The following CEP57L1 variants were observed in gnomAD, a reference collection of about 807,000 sequenced individuals.
The protein encoded by CEP57L1 is centrosomal protein CEP57L1.
CEP57L1 carries 37 observed loss-of-function variants against 61.0 expected under a neutral mutation model. The observed-to-expected ratio is 0.61, with a 90% CI of 0.47 to 0.80. CEP57L1 has a LOEUF of 0.80. Among genes scored for constraint, CEP57L1 ranks in the 30% least tolerant of loss-of-function variants. The pLI, the probability that CEP57L1 is intolerant of heterozygous loss-of-function variation, is 0.00. For synonymous variants in CEP57L1, 137 were observed against 162.3 expected, an observed-to-expected ratio of 0.84 and a Z score of 1.19; for missense variants, 422 against 524.7, an observed-to-expected ratio of 0.80 and a Z score of 1.91.
At chr6:109,110,684 T>C (rs1771500096) in intron 1 of CEP57L1, among the ~76,000 whole-genome samples, 1 of 152,212 alleles carries the variant, frequency 6.6e-6, no homozygotes, top group South Asian at 2.1e-4. Context: ...CTTTAATCCA[T>C]CTTAAGTTAA....
intron 1 of CEP57L1, among the ~76,000 whole-genome samples, chr6:109,110,298 T>C (rs1475425564): frequency 1.3e-5 from 2 of 152,254 alleles, no homozygotes; most frequent in Admixed American, 6.5e-5. Context: ...CCAGTGATGA[T>C]GAGCTTTTTT....
intron 1 of CEP57L1, among the ~76,000 whole-genome samples, chr6:109,136,700 T>TTTTTA (rs557844549): frequency 0.098 from 11,327 of 115,318 alleles, 703 homozygotes; most frequent in Middle Eastern, 0.16. Flanking sequence ...GAAACTTGTA[T>TTTTTA]TTTTATTTTA....
intron 1 of CEP57L1, among the ~76,000 whole-genome samples, chr6:109,123,475 G>A (rs1773212226): frequency 6.6e-6 from 1 of 152,074 alleles, no homozygotes; most frequent in South Asian, 2.1e-4. Context: ...TGATTCAGTG[G>A]CTCAATCAAT....
chr6:109,142,003 G>A (rs1242071897), intron 1 of CEP57L1, among the ~76,000 whole-genome samples: 3 of 152,162 alleles, frequency 2.0e-5, no homozygotes, highest in Non-Finnish European at 4.4e-5. Context: ...CAGTCCTATG[G>A]AATAAGTGTT....
At chr6:109,129,418 C>A in intron 1 of CEP57L1, 2 of 736,692 alleles carry the variant, frequency 2.7e-6, no homozygotes, top group Non-Finnish European at 4.1e-6. Flanking sequence ...TGCTGAGTGT[C>A]CCCCAATCCA....
intron 1 of CEP57L1, among the ~76,000 whole-genome samples, chr6:109,109,145 C>A (rs1771277580): frequency 6.6e-6 from 1 of 152,096 alleles, no homozygotes; most frequent in African/African-American, 2.4e-5. Flanking sequence ...ATAGTAGTCT[C>A]CTGTGTAGAG....
At chr6:109,116,120 A>ATGTGT (rs1372221206) in intron 1 of CEP57L1, among the ~76,000 whole-genome samples, 17 of 136,314 alleles carry the variant, frequency 1.2e-4, no homozygotes, top group Admixed American at 5.1e-4. Context: ...ATTTTATGTT[A>ATGTGT]TGTGTTGTGT....
chr6:109,128,754 A>G (rs769859547), intron 1 of CEP57L1, among the ~76,000 whole-genome samples: 4 of 152,284 alleles, frequency 2.6e-5, no homozygotes, highest in Admixed American at 2.0e-4. Flanking sequence ...CATCGTTCTC[A>G]ATGATTATAC....
At chr6:109,125,525 T>TATACACATATATATATATATA (rs11454984) in intron 1 of CEP57L1, among the ~76,000 whole-genome samples, 32 of 107,528 alleles carry the variant, frequency 3.0e-4, no homozygotes, top group African/African-American at 1.2e-3. Context: ...TATATATATA[T>TATACACATATATATATATATA]TTTTTTTTTA....
In CEP57L1 at chr6:109,145,296, C is replaced by T; in HGVS notation, c.75C>T (p.Phe25=). The part of the protein sequence containing the change: ...KPPERVFVPS[F]TQNEPSQNCH... ...CAGAAAGAGTATTTGTTCCCTCATT[C>T]ACCCAGAATGAACCATCTCAGAATT... The change falls in exon 2 of 11, where the codon TTC becomes TTT. Residue 25 remains phenylalanine, a synonymous_variant. Transcript: ENST00000517392. The T allele has an allele frequency of 1.2e-6, 2 of 1,609,498 alleles. No homozygotes were observed. The highest frequency in any genetic ancestry group is 1.1e-5 in the South Asian group (1 of 90,738).
intron 1 of CEP57L1, among the ~76,000 whole-genome samples, chr6:109,134,831 A>G (rs1176881231): frequency 6.6e-6 from 1 of 152,150 alleles, no homozygotes; most frequent in Non-Finnish European, 1.5e-5. Context: ...AAAGAGAATA[A>G]AATACCTAGG....
At chr6:109,142,970 T>TG (rs1562113108) in intron 1 of CEP57L1, among the ~76,000 whole-genome samples, 5 of 112,332 alleles carry the variant, frequency 4.5e-5, no homozygotes, top group Non-Finnish European at 7.7e-5. Flanking sequence ...TCTCTCTCTC[T>TG]CTCTCTCTCT....
At position 109,125,526 on chromosome 6, in the gene CEP57L1, T is replaced by A. The variant is rs546779609; in HGVS notation, c.-3-19693T>A. Among the ~76,000 whole-genome samples the A allele has an allele frequency of 8.5e-3, 1,038 of 122,510 alleles. 11 individuals are homozygous for A. The highest frequency in any genetic ancestry group is 0.026 in the African/African-American group (844 of 32,758). The allele number at this position is 122,510 out of a possible 152,430, so 80.4% of individuals were successfully genotyped here. A position where few individuals can be genotyped will look rare whatever the true frequency, so the allele number is the denominator to read the frequency against. On this transcript the variant is annotated intron_variant, in intron 1 of 10. Transcript: ENST00000517392. Reference sequence around the variant, plus strand: ...TATATATACATATATATATATATATTTTTTTTTTAACCAGTTTCTGAACTC... The same window carrying A: ...TATATATACATATATATATATATATATTTTTTTTAACCAGTTTCTGAACTC...
intron 1 of CEP57L1, among the ~76,000 whole-genome samples, chr6:109,112,176 T>C (rs576576445): frequency 6.6e-6 from 1 of 152,276 alleles, no homozygotes; most frequent in Non-Finnish European, 1.5e-5. Flanking sequence ...GTGGGTAGGC[T>C]ATTAATTGCC....
intron 1 of CEP57L1, among the ~76,000 whole-genome samples, chr6:109,138,122 G>T (rs965066768): frequency 6.6e-5 from 10 of 152,234 alleles, no homozygotes; most frequent in African/African-American, 2.4e-4. Flanking sequence ...AGGAGAGTCA[G>T]AGTTGGGGAG....
intron 1 of CEP57L1, among the ~76,000 whole-genome samples, chr6:109,130,363 A>C (rs1224702617): frequency 1.3e-5 from 2 of 152,028 alleles, no homozygotes; most frequent in Admixed American, 1.3e-4. Flanking sequence ...TATTTCACTT[A>C]GCATCATATC....
intron 1 of CEP57L1, among the ~76,000 whole-genome samples, chr6:109,120,744 G>C (rs1054892106): frequency 1.9e-4 from 29 of 152,116 alleles, no homozygotes; most frequent in Non-Finnish European, 3.5e-4. Flanking sequence ...ATTTTACACA[G>C]TTCCACATAG....
chr6:109,153,148 A>G (rs1408637708), intron 4 of CEP57L1, among the ~76,000 whole-genome samples: 1 of 151,124 alleles, frequency 6.6e-6, no homozygotes. Context: ...AAAGTTTTCC[A>G]TAATAGAATT....
chr6:109,114,237 G>A (rs915085629), intron 1 of CEP57L1, among the ~76,000 whole-genome samples: 4 of 151,958 alleles, frequency 2.6e-5, no homozygotes, highest in Non-Finnish European at 4.4e-5. Context: ...TCATCTTTTT[G>A]ATAATAGCCA....
Sources: gnomAD v4.1 joint callset for allele counts (sites outside exome capture counted in the v4.1 genomes callset) on GRCh38, gnomAD v4.1.1 for gene constraint, MANE v1.5 for transcripts, NCBI Gene and HGNC (gene_info 2026-07-23, HGNC 2026-07-21) for gene names.